The following TTC7A variants were observed in gnomAD, a reference collection of about 807,000 sequenced individuals.
TTC7A encodes tetratricopeptide repeat protein 7A.
Under a neutral mutation model 103.7 loss-of-function variants are expected in TTC7A, and 110 were observed. That is an observed-to-expected ratio of 1.06 (90% CI 0.91 to 1.24). The LOEUF is 1.24. TTC7A is among the 50% of genes most tolerant of loss of function. TTC7A has a pLI of 0.00. For missense variants in TTC7A, 1,340 were observed against 1,116.3 expected, an observed-to-expected ratio of 1.20 and a Z score of -2.86; for synonymous variants, 521 against 467.9, an observed-to-expected ratio of 1.11 and a Z score of -1.47.
chr2:47,033,723 C>G (rs1680807224), intron 15 of TTC7A, among the ~76,000 whole-genome samples: 1 of 152,204 alleles, frequency 6.6e-6, no homozygotes, highest in Non-Finnish European at 1.5e-5. Context: ...AGAGGGCACA[C>G]AGTCGATGGA....
upstream of TTC7A, among the ~76,000 whole-genome samples, chr2:46,937,667 G>A (rs1188552697): frequency 1.3e-5 from 2 of 152,102 alleles, no homozygotes; most frequent in African/African-American, 4.8e-5. This position sits in a 1 kb window ranked among gnomAD's most constrained non-coding sequence, Gnocchi z 4.0. Context: ...TGAATTCCTG[G>A]ACTCAAGTGA....
chr2:46,930,759 C>T (rs1669657636), intron 2 of TTC7A, among the ~76,000 whole-genome samples: 1 of 152,116 alleles, frequency 6.6e-6, no homozygotes, highest in Admixed American at 6.5e-5. Context: ...CTCAGCCTCC[C>T]AAAGTGCAGG....
chr2:47,006,199 A>T, intron 9 of TTC7A, 140 bp downstream of exon 9: 1 of 1,082,630 alleles, frequency 9.2e-7, no homozygotes, highest in Non-Finnish European at 1.3e-6. Context: ...CAAGTTGTAC[A>T]AGTCTCAGCT....
rs76939551 is a variant in TTC7A at position 47,037,222 on chromosome 2, C to A, written c.1802+7838C>A. Reference sequence around the variant, plus strand: ...TTGTGTTTCCCAATGCGTTGGATGTCTTGTTTGAGTTTGGAAGTACCTTTG... The same window carrying A: ...TTGTGTTTCCCAATGCGTTGGATGTATTGTTTGAGTTTGGAAGTACCTTTG... On this transcript the variant is annotated intron_variant, in intron 15 of 19. Coordinates refer to ENST00000319190, the MANE Select transcript of TTC7A (RefSeq NM_020458.4). 8.1e-3 allele frequency among the ~76,000 whole-genome samples: 1,227 copies of A among 152,274 alleles called. 18 individuals carry two copies. Among genetic ancestry groups the A allele is most frequent in the African/African-American group, 0.028 (1,154 of 41,550 alleles).
At chr2:47,022,377 A>C (rs1572937207) in intron 12 of TTC7A, among the ~76,000 whole-genome samples, 1 of 152,070 alleles carries the variant, frequency 6.6e-6, no homozygotes, top group Non-Finnish European at 1.5e-5. Flanking sequence ...TAACCTCAGC[A>C]CTGCTATGAT....
Position 47,011,416 on chromosome 2 carries a change from G to A in TTC7A, c.1373G>A (p.Cys458Tyr), listed in dbSNP as rs995063781. Reference protein sequence around the residue: ...PTVPLMAAKVCIGSLRWLEEA... With the variant: ...PTVPLMAAKVYIGSLRWLEEA... ...GTGCCCCTGATGGCCGCGAAGGTCT[G>A]CATCGGGTCCCTTCGCTGGGTGAGT... is the stretch of plus-strand genomic sequence containing the variant. The change falls in exon 11 of 20, where the codon TGC (cysteine) becomes TAC (tyrosine). Residue 458 changes from cysteine (C) to tyrosine (Y), a missense_variant. Physicochemically the swap from Cys to Tyr is radical, Grantham distance 194. Coordinates refer to ENST00000319190, the MANE Select transcript of TTC7A (RefSeq NM_020458.4). 12 of 1,608,626 alleles carry A rather than the reference G, an allele frequency of 7.5e-6. No individual in the cohort carries two copies. Among genetic ancestry groups the A allele is most frequent in the Non-Finnish European group, 9.3e-6 (11 of 1,179,760 alleles).
intron 5 of TTC7A, among the ~76,000 whole-genome samples, chr2:46,989,626 T>C (rs1437936271): frequency 1.3e-5 from 2 of 152,034 alleles, no homozygotes; most frequent in Non-Finnish European, 2.9e-5. Context: ...ATTTTTTTTT[T>C]TTTTTTTCTT....
chr2:46,979,653 G>A (rs974395787), intron 5 of TTC7A, among the ~76,000 whole-genome samples: 9 of 152,268 alleles, frequency 5.9e-5, no homozygotes, highest in African/African-American at 2.2e-4. Context: ...GTGGTGGCAG[G>A]GGAAGGAGAA....
At chr2:46,987,228 C>T (rs549398244) in intron 5 of TTC7A, among the ~76,000 whole-genome samples, 5 of 152,206 alleles carry the variant, frequency 3.3e-5, no homozygotes, top group African/African-American at 9.7e-5. Context: ...CCAGGCAGTT[C>T]GGCCACCTGG....
In TTC7A at chr2:47,007,521, T is replaced by C. The variant is rs1376342947; in HGVS notation, c.1287+797T>C. Among the ~76,000 whole-genome samples the C allele has an allele frequency of 6.6e-6, 1 of 152,200 alleles. No individual in the cohort carries two copies. The highest frequency in any genetic ancestry group is 1.5e-5 in the Non-Finnish European group (1 of 68,006). On this transcript the variant is annotated intron_variant, in intron 10 of 19. Transcript: ENST00000319190. The surrounding 1 kb of genome is among the most constrained non-coding windows in gnomAD (Gnocchi z 4.9). ...AATATCCAGAGCCCTTTCATGGGGC[T>C]GAGGGAATTCCTCGCCCCCCTGGCC...
intron 11 of TTC7A, among the ~76,000 whole-genome samples, chr2:47,020,283 TCTTCTCAC>T (rs1333874087): frequency 6.6e-6 from 1 of 152,208 alleles, no homozygotes; most frequent in Non-Finnish European, 1.5e-5. Flanking sequence ...CTTCCAGTGC[TCTTCTCAC>T]CATGTGGCTT....
At chr2:47,003,246 G>A (rs1191327292) in intron 8 of TTC7A, among the ~76,000 whole-genome samples, 1 of 152,176 alleles carries the variant, frequency 6.6e-6, no homozygotes. Context: ...GTCTAGCCAT[G>A]AGCAAGAACT....
At chr2:46,975,399 G>A (rs1235168565) in intron 4 of TTC7A, among the ~76,000 whole-genome samples, 1 of 152,022 alleles carries the variant, frequency 6.6e-6, no homozygotes, top group African/African-American at 2.4e-5. Flanking sequence ...CCTGGCAGGG[G>A]TGGAGTCTGC....
At chr2:46,971,233 A>G (rs138496426) in intron 3 of TTC7A, among the ~76,000 whole-genome samples, 2 of 152,360 alleles carry the variant, frequency 1.3e-5, no homozygotes, top group East Asian at 3.8e-4. Context: ...AGGAATATGT[A>G]TAGACTGGGG....
At chr2:46,944,077 C>T (rs571017682) in intron 1 of TTC7A, among the ~76,000 whole-genome samples, 2 of 152,270 alleles carry the variant, frequency 1.3e-5, no homozygotes, top group African/African-American at 4.8e-5. Context: ...ACTGTCTCCT[C>T]ACTCACATCC....
chr2:46,922,919 C>G (rs1007259341), intron 2 of TTC7A, among the ~76,000 whole-genome samples: 4 of 152,182 alleles, frequency 2.6e-5, no homozygotes, highest in African/African-American at 9.6e-5. Flanking sequence ...AGTCCAAGGC[C>G]CCTAAAACAT....
Position 47,021,979 on chromosome 2 carries a change from G to T in TTC7A, c.1510G>T (p.Ala504Ser), listed in dbSNP as rs979913493. 6.2e-7 allele frequency: 1 copy of T among 1,607,402 alleles called. No homozygotes were observed. Among genetic ancestry groups the T allele is most frequent in the Non-Finnish European group, 8.5e-7 (1 of 1,174,962 alleles). ...CACCTATAGCCTGCAGGCCACCGACGGTGAGTGCCAGGCCCCAGGAGGCCT... is the reference window on the plus strand; with the variant it reads ...CACCTATAGCCTGCAGGCCACCGACTGTGAGTGCCAGGCCCCAGGAGGCCT... ...GLTYSLQATD[A>S]TLKSKQDELH... The change falls in exon 12 of 20, where the codon GCC (alanine) becomes TCC (serine). Residue 504 changes from alanine (A) to serine (S), a missense_variant and splice_region_variant. Transcript: ENST00000319190.
intron 2 of TTC7A, 110 bp from the exon 3 acceptor site, chr2:46,956,729 G>A: frequency 1.8e-6 from 2 of 1,127,322 alleles, no homozygotes; most frequent in Admixed American, 1.8e-5. Flanking sequence ...TCTGGAGGAG[G>A]AGGGGAGTTC....
intron 2 of TTC7A, among the ~76,000 whole-genome samples, chr2:46,929,306 C>T (rs1443897425): frequency 6.6e-6 from 1 of 152,094 alleles, no homozygotes; most frequent in Admixed American, 6.5e-5. Flanking sequence ...TCAACATAGC[C>T]AGACCCCATG....
Sources: allele counts gnomAD v4.1 joint callset (sites outside exome capture counted in the v4.1 genomes callset), GRCh38; gene constraint gnomAD v4.1.1; non-coding constraint Gnocchi (gnomAD v3.1); transcripts MANE v1.5; gene names NCBI Gene and HGNC (gene_info 2026-07-23, HGNC 2026-07-21).